Variants in GUCY1B1 observed in about 807,000 individuals in gnomAD.
GUCY1B1 encodes the protein guanylate cyclase soluble subunit beta-1.
Under a neutral mutation model 71.0 loss-of-function variants are expected in GUCY1B1, and 43 were observed. The ratio of observed to expected loss-of-function variants is 0.61; its 90% CI spans 0.47 to 0.78. The LOEUF is 0.78. Among genes scored for constraint, GUCY1B1 ranks in the 30% least tolerant of loss-of-function variants. The pLI is 0.00. For synonymous variants in GUCY1B1, 266 were observed against 259.7 expected, an observed-to-expected ratio of 1.02 and a Z score of -0.23; for missense variants, 535 against 754.1, an observed-to-expected ratio of 0.71 and a Z score of 3.40.
intron 1 of GUCY1B1, 53 bp from the exon 2 acceptor site, chr4:155,759,734 G>A (rs973160901): frequency 5.1e-6 from 7 of 1,373,512 alleles, no homozygotes; most frequent in South Asian, 2.4e-5. Flanking sequence ...CCCCCAAGCC[G>A]CTTCTCAGGT....
chr4:155,764,348 G>C (rs901804518), intron 2 of GUCY1B1, among the ~76,000 whole-genome samples: 10 of 152,080 alleles, frequency 6.6e-5, no homozygotes, highest in African/African-American at 2.4e-4. Context: ...ATTTGAAATA[G>C]GAAAGGACTT....
chr4:155,802,216 A>C lies in GUCY1B1; in HGVS notation c.1176-126A>C, dbSNP rs1214197032. 1.3e-6 allele frequency: 2 copies of C among 1,511,828 alleles called. No individual in the cohort carries two copies. Among genetic ancestry groups the C allele is most frequent in the Admixed American group, 2.1e-5 (1 of 46,568 alleles). 93.7% of individuals were successfully genotyped at this position (1,511,828 alleles called of 1,614,324 possible). On this transcript the variant is annotated intron_variant, in intron 9 of 13. Coordinates refer to ENST00000264424, the MANE Select transcript of GUCY1B1 (RefSeq NM_000857.5). The surrounding 1 kb of genome is among the most constrained non-coding windows in gnomAD (Gnocchi z 4.3). ...TAATATTTGATGCTAATTTTAGAGG[A>C]TGTCCTGCTAGAATCCAGGCCTTTA...
intron 4 of GUCY1B1, among the ~76,000 whole-genome samples, chr4:155,778,603 T>C (rs1738214253): frequency 6.6e-6 from 1 of 152,220 alleles, no homozygotes; most frequent in South Asian, 2.1e-4. Context: ...TAGTGACATT[T>C]TTCTTATAAA....
chr4:155,759,178 A>G (rs764551049), intron 1 of GUCY1B1, 35 bp downstream of exon 1: 1 of 1,554,362 alleles, frequency 6.4e-7, no homozygotes, highest in Non-Finnish European at 8.7e-7. Context: ...CCCGAACCTC[A>G]CCCCTCCTCG....
intron 4 of GUCY1B1, among the ~76,000 whole-genome samples, chr4:155,781,881 AAAAG>A (rs1322891573): frequency 1.3e-5 from 2 of 152,092 alleles, no homozygotes; most frequent in Non-Finnish European, 2.9e-5. Flanking sequence ...CAAAAAGAGA[AAAAG>A]AAGACATTTT....
At chr4:155,794,830 C>T (rs1016285404) in intron 6 of GUCY1B1, among the ~76,000 whole-genome samples, 24 of 152,274 alleles carry the variant, frequency 1.6e-4, no homozygotes, top group African/African-American at 5.8e-4. Flanking sequence ...TACTTCACTT[C>T]TCTCAGCCTG....
chr4:155,785,350 A>G (rs1440134461), intron 4 of GUCY1B1: 1 of 1,228,686 alleles, frequency 8.1e-7, no homozygotes, highest in Non-Finnish European at 1.1e-6. Context: ...ACATTTTTTC[A>G]GTGTCTTTTT....
chr4:155,775,212 A>G (rs1298866618), intron 3 of GUCY1B1, 144 bp downstream of exon 3: 1 of 643,652 alleles, frequency 1.6e-6, no homozygotes, highest in East Asian at 2.6e-5. Flanking sequence ...GCATCCACAT[A>G]TCATGTTAGG....
Position 155,806,799 on chromosome 4 carries a change from G to A in GUCY1B1, c.*390G>A, listed in dbSNP as rs1740348452. ...TATTTATATCATGTTTACCAAATCT[G>A]TTTAGTGTTCCACATATATGTATAT... On this transcript the variant is annotated 3_prime_UTR_variant, in exon 14 of 14. Coordinates refer to ENST00000264424, the MANE Select transcript of GUCY1B1 (RefSeq NM_000857.5). The A allele has an allele frequency of 5.6e-6, 1 of 180,130 alleles. No homozygotes were observed. Among genetic ancestry groups the A allele is most frequent in the Admixed American group, 5.9e-5 (1 of 16,960 alleles). The allele number at this position is 180,130 out of a possible 1,614,324, so 11.2% of individuals were successfully genotyped here.
Position 155,802,393 on chromosome 4 carries a change from G to T in GUCY1B1, c.1227G>T (p.Lys409Asn), listed in dbSNP as rs1336112923. 2 of 1,613,620 alleles carry T rather than the reference G, an allele frequency of 1.2e-6. No individual in the cohort carries two copies. The change falls in exon 10 of 14, where the codon AAG becomes AAT. Residue 409 changes from lysine to asparagine, a missense_variant. Coordinates refer to ENST00000264424, the MANE Select transcript of GUCY1B1 (RefSeq NM_000857.5). This position sits in a 1 kb window ranked among gnomAD's most constrained non-coding sequence, Gnocchi z 4.3. ...PPSVANELRH[K>N]RPVPAKRYDN... Reference sequence around the variant, plus strand: ...CTGTTGCCAATGAGCTGCGGCACAAGCGTCCAGTGCCTGCCAAAAGATATG... The same window carrying T: ...CTGTTGCCAATGAGCTGCGGCACAATCGTCCAGTGCCTGCCAAAAGATATG...
At position 155,806,815 on chromosome 4, in the gene GUCY1B1, A is replaced by T. The variant is rs1257373191; in HGVS notation, c.*406A>T. On this transcript the variant is annotated 3_prime_UTR_variant, in exon 14 of 14. Coordinates refer to ENST00000264424, the MANE Select transcript of GUCY1B1 (RefSeq NM_000857.5). ...ACCAAATCTGTTTAGTGTTCCACAT[A>T]TATGTATATGTATATTTTAATGACT... is the stretch of plus-strand genomic sequence containing the variant. 6.2e-6 allele frequency: 1 copy of T among 162,556 alleles called. No homozygotes were observed. Among genetic ancestry groups the T allele is most frequent in the African/African-American group, 2.4e-5 (1 of 41,826 alleles). The allele number at this position is 162,556 out of a possible 1,614,324, so 10.1% of individuals were successfully genotyped here. A position where few individuals can be genotyped will look rare whatever the true frequency, so the allele number is the denominator to read the frequency against.
Position 155,806,829 on chromosome 4 carries a change from A to G in GUCY1B1, c.*420A>G, listed in dbSNP as rs1296548862. On this transcript the variant is annotated 3_prime_UTR_variant, in exon 14 of 14. Coordinates refer to ENST00000264424, the MANE Select transcript of GUCY1B1 (RefSeq NM_000857.5). Reference sequence around the variant, plus strand: ...GTGTTCCACATATATGTATATGTATATTTTAATGACTATAATGTAATAAAG... The same window carrying G: ...GTGTTCCACATATATGTATATGTATGTTTTAATGACTATAATGTAATAAAG... The G allele has an allele frequency of 6.3e-6, 1 of 159,144 alleles. No homozygotes were observed. The highest frequency in any genetic ancestry group is 1.4e-5 in the Non-Finnish European group (1 of 72,896). The allele number at this position is 159,144 out of a possible 1,614,324, so 9.9% of individuals were successfully genotyped here. A position where few individuals can be genotyped will look rare whatever the true frequency, so the allele number is the denominator to read the frequency against.
At chr4:155,760,083 G>T (rs937951609) in intron 2 of GUCY1B1, among the ~76,000 whole-genome samples, 1 of 152,140 alleles carries the variant, frequency 6.6e-6, no homozygotes, top group African/African-American at 2.4e-5. Flanking sequence ...CGAGAACCGC[G>T]GAAAGGAGCC....
intron 12 of GUCY1B1, 64 bp from the exon 13 acceptor site, chr4:155,805,039 A>C (rs554603269): frequency 2.1e-6 from 3 of 1,405,444 alleles, no homozygotes; most frequent in East Asian, 2.3e-5. Flanking sequence ...AACATGATAC[A>C]TGTCACCTTC....
At chr4:155,794,165 A>G (rs1469422859) in intron 6 of GUCY1B1, 79 bp downstream of exon 6, 1 of 752,622 alleles carries the variant, frequency 1.3e-6, no homozygotes, top group African/African-American at 1.7e-5. Flanking sequence ...CCATCCATTC[A>G]TTTAACCCTC....
chr4:155,805,645 C>G (rs1740262834), intron 13 of GUCY1B1, among the ~76,000 whole-genome samples: 1 of 152,084 alleles, frequency 6.6e-6, no homozygotes, highest in African/African-American at 2.4e-5. Context: ...AACCATGAAG[C>G]TTAAGATCCT....
chr4:155,784,730 G>A (rs1009749025), intron 4 of GUCY1B1, among the ~76,000 whole-genome samples: 3 of 152,218 alleles, frequency 2.0e-5, no homozygotes, highest in East Asian at 1.9e-4. Flanking sequence ...TCTTTAAAAC[G>A]TTCAAGGCAA....
chr4:155,796,232 C>A, intron 7 of GUCY1B1, 145 bp from the exon 8 acceptor site: 1 of 715,032 alleles, frequency 1.4e-6, no homozygotes, highest in Non-Finnish European at 2.3e-6. Flanking sequence ...ACAGGCAGAA[C>A]TCTGACAGAA....
chr4:155,788,221 TTTC>T (rs1325533269), intron 4 of GUCY1B1, among the ~76,000 whole-genome samples: 1 of 152,184 alleles, frequency 6.6e-6, no homozygotes, highest in African/African-American at 2.4e-5. Flanking sequence ...GGATAATTGT[TTTC>T]TTCCTCATTC....
Sources: gnomAD v4.1 joint callset for allele counts (sites outside exome capture counted in the v4.1 genomes callset) on GRCh38, gnomAD v4.1.1 for gene constraint, Gnocchi (gnomAD v3.1) non-coding constraint, MANE v1.5 for transcripts, NCBI Gene and HGNC (gene_info 2026-07-23, HGNC 2026-07-21) for gene names.